The following MARCHF10 variants were observed in gnomAD, a reference collection of about 807,000 sequenced individuals.
MARCHF10 encodes probable E3 ubiquitin-protein ligase MARCHF10.
Under a neutral mutation model 76.2 loss-of-function variants are expected in MARCHF10, and 64 were observed. The ratio of observed to expected loss-of-function variants is 0.84; its 90% CI spans 0.69 to 1.03. The LOEUF is 1.03. Among genes scored for constraint, MARCHF10 ranks in the 50% least tolerant of loss-of-function variants. The pLI, the probability that MARCHF10 is intolerant of heterozygous loss-of-function variation, is 0.00. For missense variants in MARCHF10, 875 were observed against 958.0 expected (o/e 0.91, Z 1.14); for synonymous variants, 340 against 357.5 (o/e 0.95, Z 0.55).
At position 62,753,071 on chromosome 17, in the gene MARCHF10, G is replaced by C. The variant is rs144208647; in HGVS notation, c.382+6764C>G. On this transcript the variant is annotated intron_variant, in intron 4 of 10. Coordinates refer to ENST00000311269, the MANE Select transcript of MARCHF10 (RefSeq NM_152598.4). Reference sequence around the variant, plus strand: ...CTTTATATTTCCTAATTTGTAGCCTGACCCTAAACCAGAAACCAGAGCTTC... The same window carrying C: ...CTTTATATTTCCTAATTTGTAGCCTCACCCTAAACCAGAAACCAGAGCTTC... Among the ~76,000 whole-genome samples the C allele has an allele frequency of 3.3e-5, 5 of 152,156 alleles. No individual in the cohort carries two copies. In the East Asian group the frequency reaches 9.7e-4, roughly 29 times the overall value.
chr17:62,709,792 C>T (rs7220505), intron 9 of MARCHF10, among the ~76,000 whole-genome samples: 42,259 of 151,620 alleles, frequency 0.28, 6,353 homozygotes, highest in Non-Finnish European at 0.34. Flanking sequence ...CTCTGTCACA[C>T]AGGCTGGAGT....
chr17:62,788,700 G>T, intron 2 of MARCHF10, 101 bp from the exon 3 acceptor site: 1 of 1,437,432 alleles, frequency 7.0e-7, no homozygotes, highest in Non-Finnish European at 9.6e-7. Context: ...TAAATGATAT[G>T]CATCTCCAGG....
Position 62,738,472 on chromosome 17 carries a change from C to G in MARCHF10, c.536-1140G>C, listed in dbSNP as rs1160346429. Among the ~76,000 whole-genome samples, 1 of 152,174 alleles carries G rather than the reference C, an allele frequency of 6.6e-6. No homozygotes were observed. The highest frequency in any genetic ancestry group is 2.4e-5 in the African/African-American group (1 of 41,428). On this transcript the variant is annotated intron_variant, in intron 5 of 10. Coordinates refer to ENST00000311269, the MANE Select transcript of MARCHF10 (RefSeq NM_152598.4). The surrounding 1 kb of genome is among the most constrained non-coding windows in gnomAD (Gnocchi z 4.0). The stretch of plus-strand genomic sequence containing the variant: ...CATCGGCCTCCCCCCGCTTTGTTCT[C>G]CTCTCTGCTATTGTGTGGGATCTGA...
chr17:62,745,555 G>A (rs1370497439), intron 4 of MARCHF10, among the ~76,000 whole-genome samples: 2 of 152,156 alleles, frequency 1.3e-5, no homozygotes, highest in African/African-American at 4.8e-5. Context: ...TATAATACCT[G>A]CATATTTATA....
intron 8 of MARCHF10, among the ~76,000 whole-genome samples, chr17:62,718,657 G>A (rs1188508398): frequency 6.6e-6 from 1 of 152,170 alleles, no homozygotes; most frequent in Non-Finnish European, 1.5e-5. Context: ...CCTGACCTCA[G>A]GCACTGAGAG....
In MARCHF10 at chr17:62,713,616, C is replaced by A. The variant is rs190384785; in HGVS notation, c.2215-2272G>T. ...GTGTGATAGTCAACTCCGAATCAGC[C>A]TTTACACTCCTGAGCTACAAGTGGG... On this transcript the variant is annotated intron_variant, in intron 8 of 10. Coordinates refer to ENST00000311269, the MANE Select transcript of MARCHF10 (RefSeq NM_152598.4). Among the ~76,000 whole-genome samples, 17 of 152,332 alleles carry A rather than the reference C, an allele frequency of 1.1e-4. No individual in the cohort carries two copies. In the East Asian group the frequency reaches 2.9e-3, roughly 26 times the overall value.
chr17:62,775,286 C>T (rs2092530395), intron 3 of MARCHF10, among the ~76,000 whole-genome samples: 1 of 151,826 alleles, frequency 6.6e-6, no homozygotes, highest in Non-Finnish European at 1.5e-5. Flanking sequence ...CCACCACGCC[C>T]AGCTTATTTT....
intron 4 of MARCHF10, among the ~76,000 whole-genome samples, chr17:62,750,992 C>T (rs986729300): frequency 3.9e-5 from 6 of 152,180 alleles, no homozygotes; most frequent in Non-Finnish European, 8.8e-5. Context: ...TCTGGCCTTT[C>T]TGCTGCGGAG....
Position 62,711,408 on chromosome 17 carries a change from T to G in MARCHF10, c.2215-64A>C. On this transcript the variant is annotated intron_variant, in intron 8 of 10. Coordinates refer to ENST00000311269, the MANE Select transcript of MARCHF10 (RefSeq NM_152598.4). This position sits in a 1 kb window ranked among gnomAD's most constrained non-coding sequence, Gnocchi z 4.4. ...AATAGTCATGGTCTAAATTGTGGGA[T>G]GCAGGGTAACAAGGCTAAGAGGTGA... The G allele has an allele frequency of 6.7e-7, 1 of 1,494,966 alleles. No individual in the cohort carries two copies. Among genetic ancestry groups the G allele is most frequent in the Non-Finnish European group, 9.3e-7 (1 of 1,077,984 alleles). 92.6% of individuals were successfully genotyped at this position (1,494,966 alleles called of 1,614,324 possible).
chr17:62,713,230 G>A (rs1265008761), intron 8 of MARCHF10, among the ~76,000 whole-genome samples: 3 of 152,144 alleles, frequency 2.0e-5, no homozygotes, highest in Non-Finnish European at 4.4e-5. Context: ...GCTGCCAGTG[G>A]TTCTCTCACC....
chr17:62,709,228 C>T (rs1458808585), intron 9 of MARCHF10, among the ~76,000 whole-genome samples: 2 of 152,124 alleles, frequency 1.3e-5, no homozygotes, highest in East Asian at 1.9e-4. Flanking sequence ...ACCTGTAATC[C>T]CAGCACTTTG....
chr17:62,702,524 G>A (rs1305542579), intron 10 of MARCHF10, among the ~76,000 whole-genome samples: 1 of 152,110 alleles, frequency 6.6e-6, no homozygotes, highest in African/African-American at 2.4e-5. Context: ...AAATTAGCCA[G>A]GGGTGGTGGC....
intron 2 of MARCHF10, among the ~76,000 whole-genome samples, chr17:62,792,808 T>TCACCACCACCACCTCCATCAC (rs1568218281): frequency 3.0e-5 from 2 of 66,452 alleles, no homozygotes; most frequent in African/African-American, 7.7e-5. Flanking sequence ...ACCACCTCCA[T>TCACCACCACCACCTCCATCAC]CACCACCACC....
intron 8 of MARCHF10, among the ~76,000 whole-genome samples, chr17:62,721,975 C>A (rs1018836964): frequency 1.3e-5 from 2 of 152,080 alleles, no homozygotes; most frequent in Non-Finnish European, 2.9e-5. Context: ...AAACTCAACC[C>A]AGGACAAATA....
At chr17:62,762,506 T>C (rs1356559226) in intron 3 of MARCHF10, among the ~76,000 whole-genome samples, 2 of 152,218 alleles carry the variant, frequency 1.3e-5, no homozygotes, top group Admixed American at 1.3e-4. Context: ...TTTTGGTCTT[T>C]ATTCTGTCTT....
chr17:62,761,652 C>T (rs2092206064), intron 3 of MARCHF10, among the ~76,000 whole-genome samples: 1 of 152,134 alleles, frequency 6.6e-6, no homozygotes, highest in Admixed American at 6.5e-5. Flanking sequence ...GAACTCCTGA[C>T]CTTAGGTGAT....
chr17:62,729,649 C>T (rs1344784895), intron 6 of MARCHF10, among the ~76,000 whole-genome samples: 3 of 151,636 alleles, frequency 2.0e-5, no homozygotes, highest in African/African-American at 7.3e-5. Flanking sequence ...TCACAGCTCA[C>T]TGTAGACTCG....
chr17:62,759,772 G>T, intron 4 of MARCHF10, 63 bp downstream of exon 4: 1 of 1,551,482 alleles, frequency 6.4e-7, no homozygotes, highest in Non-Finnish European at 8.8e-7. Context: ...TGCTCGGCCT[G>T]TTGTTGTTAT....
At chr17:62,706,975 G>A (rs1362273172) in intron 9 of MARCHF10, among the ~76,000 whole-genome samples, 4 of 152,282 alleles carry the variant, frequency 2.6e-5, no homozygotes, top group East Asian at 1.9e-4. Context: ...GATGCTCCCC[G>A]ATGGGAGGAA....
Sources: allele counts gnomAD v4.1 joint callset (sites outside exome capture counted in the v4.1 genomes callset), GRCh38; gene constraint gnomAD v4.1.1; non-coding constraint Gnocchi (gnomAD v3.1); transcripts MANE v1.5; gene names NCBI Gene and HGNC (gene_info 2026-07-23, HGNC 2026-07-21).